COL5A3: variants seen among roughly 807,000 people sequenced by gnomAD.
COL5A3 encodes collagen alpha-3(V) chain.
A neutral mutation model predicts 250.0 loss-of-function variants in COL5A3; 172 were observed. The observed-to-expected ratio is 0.69, with a 90% CI of 0.61 to 0.78. The LOEUF is 0.78. COL5A3 is among the 30% of genes least tolerant of loss of function. The pLI, the probability that COL5A3 is intolerant of heterozygous loss-of-function variation, is 0.00. For missense variants in COL5A3, 2,340 were observed against 2,334.4 expected (o/e 1.00, Z -0.05); for synonymous variants, 937 against 900.4 (o/e 1.04, Z -0.73).
At position 9,977,277 on chromosome 19, in the gene COL5A3, A is replaced by C. The variant is rs1220104974; in HGVS notation, c.3240T>G (p.Asp1080Glu). Residue 1080 changes from aspartate to glutamate, a missense_variant, in exon 44 of 67, where the codon GAT becomes GAG. Around this residue, in one of 3 missense-constraint regions of COL5A3, gnomAD observed 1,179 missense variants for 1,162.6 expected, o/e 1.01. Transcript: ENST00000264828. ...TCCCCTTGTGTCCGGGGGCACCCAC[A>C]TCCCCCTGCAGAGGAAATGGGATGA... ...GPSGEEGDKGDVGAPGHKGSK... is the reference protein window; with the variant it reads ...GPSGEEGDKGEVGAPGHKGSK... 1.2e-6 allele frequency: 2 copies of C among 1,613,706 alleles called. No individual in the cohort carries two copies. Among genetic ancestry groups the C allele is most frequent in the South Asian group, 2.2e-5 (2 of 91,040 alleles).
chr19:9,970,526 T>C, intron 54 of COL5A3, 96 bp downstream of exon 54: 1 of 670,990 alleles, frequency 1.5e-6, no homozygotes, highest in Middle Eastern at 4.4e-4. Flanking sequence ...GTGTGGGGTC[T>C]GTGGGGTGAG....
intron 64 of COL5A3, among the ~76,000 whole-genome samples, chr19:9,965,082 T>C (rs553423332): frequency 5.9e-5 from 9 of 151,590 alleles, no homozygotes; most frequent in Admixed American, 1.3e-4. Flanking sequence ...TTCACTGATA[T>C]TTGTTTTTGC....
intron 57 of COL5A3, 96 bp downstream of exon 57, chr19:9,969,253 A>G: frequency 1.9e-6 from 2 of 1,070,816 alleles, no homozygotes; most frequent in Admixed American, 2.4e-5. Flanking sequence ...ATGGATGGTC[A>G]GTGAGGGCTA....
Position 9,994,006 on chromosome 19 carries a change from C to T in COL5A3, c.1588-200G>A, listed in dbSNP as rs186561999. 1.8e-3 allele frequency among the ~76,000 whole-genome samples: 278 copies of T among 152,090 alleles called. 4 individuals are homozygous for T. The highest frequency in any genetic ancestry group is 6.5e-3 in the African/African-American group (269 of 41,482). ...GAGTAGCTGGGACCACAGGTGCATGCCACCAGGCCTGGCTAATTTTTTATA... is the reference window on the plus strand; with the variant it reads ...GAGTAGCTGGGACCACAGGTGCATGTCACCAGGCCTGGCTAATTTTTTATA... On this transcript the variant is annotated intron_variant, in intron 16 of 66. Coordinates refer to ENST00000264828, the MANE Select transcript of COL5A3 (RefSeq NM_015719.4).
At chr19:9,986,882 G>A in intron 27 of COL5A3, 124 bp from the exon 28 acceptor site, 1 of 1,015,120 alleles carries the variant, frequency 9.9e-7, no homozygotes. Context: ...GCTGGGAGGG[G>A]CAGCTTCAGA....
At chr19:9,997,891 G>T in intron 10 of COL5A3, 93 bp downstream of exon 10, 1 of 1,400,606 alleles carries the variant, frequency 7.1e-7, no homozygotes, top group Non-Finnish European at 1.0e-6. Context: ...ACTTGGCCAG[G>T]CAACATTACA....
intron 31 of COL5A3, among the ~76,000 whole-genome samples, chr19:9,983,543 A>G (rs1348914019): frequency 2.1e-5 from 1 of 47,848 alleles, no homozygotes; most frequent in Non-Finnish European, 5.1e-5. Flanking sequence ...AAAGAAAGAA[A>G]GAAAGAAAGA....
chr19:9,994,056 T>C (rs776288590), intron 16 of COL5A3, among the ~76,000 whole-genome samples: 5 of 152,120 alleles, frequency 3.3e-5, no homozygotes, highest in Non-Finnish European at 7.3e-5. Context: ...GGTGGGGGTT[T>C]CACCCTGTTG....
In COL5A3 at chr19:9,967,354, C is replaced by T; in HGVS notation, c.4451G>A (p.Gly1484Asp). 2.8e-6 allele frequency: 4 copies of T among 1,443,498 alleles called. No individual in the cohort carries two copies. Among genetic ancestry groups the T allele is most frequent in the Non-Finnish European group, 3.6e-6 (4 of 1,104,182 alleles). The allele number at this position is 1,443,498 out of a possible 1,614,324, so 89.4% of individuals were successfully genotyped here. Residue 1484 changes from glycine to aspartate, a missense_variant, in exon 62 of 67, where the codon GGC becomes GAC. Transcript: ENST00000264828. ...GCCCCCCGGGGAACTCACCGGGGGG[C>T]CTGGTGGGCCTGCAGGTCCAGTGTC... Reference protein sequence around the residue: ...RGDTGPAGPPGPPGAPAELHG... With the variant: ...RGDTGPAGPPDPPGAPAELHG...
chr19:9,973,995 C>A, intron 47 of COL5A3, 23 bp from the exon 48 acceptor site: 1 of 1,528,088 alleles, frequency 6.5e-7, no homozygotes. Flanking sequence ...AGAATTAGTA[C>A]CCAGTGACCC....
intron 41 of COL5A3, among the ~76,000 whole-genome samples, chr19:9,977,947 C>T (rs142661746): frequency 7.7e-4 from 82 of 106,094 alleles, no homozygotes; most frequent in South Asian, 1.5e-3. Context: ...GCAGCCTATA[C>T]ATATATATAT....
Position 9,965,477 on chromosome 19 carries a change from G to A in COL5A3, c.4782+837C>T, listed in dbSNP as rs190598598. Reference sequence around the variant, plus strand: ...GGCCTTCTTTTTTTTTTTTCTAGGCGGAGTCTCACTCTGTCACCCAGGCTG... The same window carrying A: ...GGCCTTCTTTTTTTTTTTTCTAGGCAGAGTCTCACTCTGTCACCCAGGCTG... On this transcript the variant is annotated intron_variant, in intron 64 of 66. Coordinates refer to ENST00000264828, the MANE Select transcript of COL5A3 (RefSeq NM_015719.4). 4.4e-3 allele frequency among the ~76,000 whole-genome samples: 622 copies of A among 142,262 alleles called. 6 individuals are homozygous for A. The highest frequency in any genetic ancestry group is 0.016 in the African/African-American group (614 of 38,110). The allele number at this position is 142,262 out of a possible 152,430, so 93.3% of individuals were successfully genotyped here.
In COL5A3 at chr19:9,993,007, G is replaced by T. The variant is rs372947105; in HGVS notation, c.1794+16C>A. 6.8e-6 allele frequency: 11 copies of T among 1,613,294 alleles called. No homozygotes were observed. Among genetic ancestry groups the T allele is most frequent in the Non-Finnish European group, 9.3e-6 (11 of 1,179,592 alleles). On this transcript the variant is annotated intron_variant, in intron 20 of 66. Coordinates refer to ENST00000264828, the MANE Select transcript of COL5A3 (RefSeq NM_015719.4). ...CCCTGCACCAAGCAAGGGGCCCAGG[G>T]ATCCCTGATACTCACCGGCTCCCCA...
At chr19:9,981,581 CAT>C in intron 32 of COL5A3, among the ~76,000 whole-genome samples, 1 of 152,214 alleles carries the variant, frequency 6.6e-6, no homozygotes. Flanking sequence ...TACATACACT[CAT>C]GTACGTACAT....
rs541269397 is a variant in COL5A3 at position 9,979,476 on chromosome 19, G to A, written c.2713-59C>T. 48 of 1,576,410 alleles carry A rather than the reference G, an allele frequency of 3.0e-5. No individual in the cohort carries two copies. In the African/African-American group the frequency reaches 5.9e-4, roughly 19 times the overall value. On this transcript the variant is annotated intron_variant, in intron 37 of 66. Coordinates refer to ENST00000264828, the MANE Select transcript of COL5A3 (RefSeq NM_015719.4). ...ACATGGGGAAGGGATGGAGGAGCAG[G>A]AGACAGGGAAGGCCTGATAGGATCA...
In COL5A3 at chr19:9,969,415, C is replaced by T. The variant is rs747189386; in HGVS notation, c.4099-13G>A. The T allele has an allele frequency of 1.4e-5, 23 of 1,607,276 alleles. No individual in the cohort carries two copies. The highest frequency in any genetic ancestry group is 1.9e-5 in the Non-Finnish European group (22 of 1,177,650). On this transcript the variant is annotated splice_polypyrimidine_tract_variant and intron_variant, in intron 56 of 66. Coordinates refer to ENST00000264828, the MANE Select transcript of COL5A3 (RefSeq NM_015719.4). ...GGCCTGGTTCACCCTGAGAATGGAA[C>T]AGAACATGGGGTGGGCTGCACCCTG...
intron 64 of COL5A3, 124 bp downstream of exon 64, chr19:9,966,190 T>C: frequency 1.3e-6 from 1 of 753,160 alleles, no homozygotes; most frequent in South Asian, 1.8e-5. Flanking sequence ...GGACTTGGCA[T>C]ACAGTAAGTG....
At chr19:9,984,142 G>A (rs1414198519) in intron 31 of COL5A3, among the ~76,000 whole-genome samples, 1 of 151,854 alleles carries the variant, frequency 6.6e-6, no homozygotes, top group African/African-American at 2.4e-5. Context: ...TCCTGCCTCA[G>A]CCTCCATGTA....
chr19:10,009,880 C>T lies in COL5A3; in HGVS notation c.88+418G>A, dbSNP rs547013349. 4.7e-4 allele frequency among the ~76,000 whole-genome samples: 72 copies of T among 152,200 alleles called. No individual in the cohort carries two copies. The highest frequency in any genetic ancestry group is 1.6e-3 in the African/African-American group (68 of 41,510). ...CACTCACACGGTTACCCTCGAAAATCAGCACATAGACAAGAGCACAAGTGC... is the reference window on the plus strand; with the variant it reads ...CACTCACACGGTTACCCTCGAAAATTAGCACATAGACAAGAGCACAAGTGC... On this transcript the variant is annotated intron_variant, in intron 1 of 66. Transcript: ENST00000264828. This position sits in a 1 kb window ranked among gnomAD's most constrained non-coding sequence, Gnocchi z 4.4.
Sources: gnomAD v4.1 joint callset for allele counts (sites outside exome capture counted in the v4.1 genomes callset) on GRCh38, gnomAD v4.1.1 for gene constraint, gnomAD v4.1.1 regional missense constraint, Gnocchi (gnomAD v3.1) non-coding constraint, MANE v1.5 for transcripts, NCBI Gene and HGNC (gene_info 2026-07-23, HGNC 2026-07-21) for gene names.